Variants in UIMC1 observed in about 807,000 individuals in gnomAD.
UIMC1 encodes BRCA1-A complex subunit RAP80.
UIMC1 carries 42 observed loss-of-function variants against 84.9 expected under a neutral mutation model. The observed-to-expected ratio is 0.49, with a 90% CI of 0.39 to 0.64. The LOEUF is 0.64. Among genes scored for constraint, UIMC1 ranks in the 30% least tolerant of loss-of-function variants. The pLI, the probability that UIMC1 is intolerant of heterozygous loss-of-function variation, is 0.00. For missense variants in UIMC1, 825 were observed against 847.6 expected, an observed-to-expected ratio of 0.97 and a Z score of 0.33; for synonymous variants, 281 against 293.0, an observed-to-expected ratio of 0.96 and a Z score of 0.42.
chr5:176,932,857 GCT>G (rs1763281035), intron 10 of UIMC1, among the ~76,000 whole-genome samples: 1 of 118,948 alleles, frequency 8.4e-6, no homozygotes, highest in Non-Finnish European at 1.6e-5. Context: ...CAATAGCAAT[GCT>G]TTTTTTTTTT....
chr5:176,942,321 C>T (rs1373912732), intron 10 of UIMC1, among the ~76,000 whole-genome samples: 3 of 152,090 alleles, frequency 2.0e-5, no homozygotes, highest in Non-Finnish European at 2.9e-5. Flanking sequence ...GAATGAAAAA[C>T]GTGGAACTTA....
chr5:176,965,892 A>G (rs1235097509), intron 6 of UIMC1, among the ~76,000 whole-genome samples: 1 of 152,224 alleles, frequency 6.6e-6, no homozygotes, highest in Admixed American at 6.5e-5. Context: ...GAATTACAAT[A>G]AATCATTAAG....
chr5:176,972,605 A>G (rs894528813), intron 3 of UIMC1, among the ~76,000 whole-genome samples: 5 of 150,872 alleles, frequency 3.3e-5, no homozygotes, highest in African/African-American at 1.2e-4. Context: ...GCGTGGTGGC[A>G]GGCGCCTGTA....
intron 2 of UIMC1, among the ~76,000 whole-genome samples, chr5:176,977,222 TC>T (rs1177358101): frequency 1.1e-5 from 1 of 93,300 alleles, no homozygotes; most frequent in Non-Finnish European, 1.9e-5. Flanking sequence ...AGATTCTGTC[TC>T]AAAAAAAAAA....
At chr5:176,906,074 T>C (rs1759326649) in intron 13 of UIMC1, 27 bp from the exon 14 acceptor site, 1 of 1,609,400 alleles carries the variant, frequency 6.2e-7, no homozygotes, top group African/African-American at 1.3e-5. Context: ...AAAATAATAA[T>C]GTTGGTAGTA....
chr5:176,906,924 A>G (rs1351219140), intron 13 of UIMC1, among the ~76,000 whole-genome samples, 190 bp downstream of exon 13: 2 of 152,262 alleles, frequency 1.3e-5, no homozygotes, highest in African/African-American at 2.4e-5. Flanking sequence ...AATGAAACAC[A>G]GGATGAAAAA....
chr5:176,951,358 C>G (rs561633169), intron 9 of UIMC1, 116 bp downstream of exon 9: 39 of 717,186 alleles, frequency 5.4e-5, no homozygotes, highest in Admixed American at 2.8e-4. Context: ...ATAAGGGCCC[C>G]CAAAACTAAA....
chr5:177,014,062 T>C (rs375632481), intron 1 of UIMC1, among the ~76,000 whole-genome samples: 28 of 122,570 alleles, frequency 2.3e-4, no homozygotes, highest in Middle Eastern at 5.2e-3. Flanking sequence ...CTTTTCTTTT[T>C]TTTTTTTTTT....
At chr5:176,952,788 C>CA (rs1766051280) in intron 8 of UIMC1, among the ~76,000 whole-genome samples, 1 of 152,092 alleles carries the variant, frequency 6.6e-6, no homozygotes, top group South Asian at 2.1e-4. Flanking sequence ...CAGAGTGAGA[C>CA]ACTGTCTCAC....
At chr5:176,908,457 C>CTGT in intron 12 of UIMC1, 66 bp downstream of exon 12, 1 of 1,530,012 alleles carries the variant, frequency 6.5e-7, no homozygotes, top group Middle Eastern at 2.4e-4. Flanking sequence ...CAGAACAGAA[C>CTGT]TGTGGCCTCT....
chr5:176,938,638 T>C (rs1394768163), intron 10 of UIMC1, among the ~76,000 whole-genome samples: 2 of 152,120 alleles, frequency 1.3e-5, no homozygotes, highest in Non-Finnish European at 2.9e-5. Flanking sequence ...TTAGTGGCCA[T>C]TTCCCTTGCT....
At chr5:176,921,769 A>AT (rs1274932302) in intron 10 of UIMC1, among the ~76,000 whole-genome samples, 1 of 152,068 alleles carries the variant, frequency 6.6e-6, no homozygotes, top group Non-Finnish European at 1.5e-5. Context: ...AGTCTCCTCA[A>AT]TTCCATTTTT....
rs554840281 is a variant in UIMC1, at chr5:176,918,330, G to A, written c.1598-6941C>T. Among the ~76,000 whole-genome samples, 16 of 152,278 alleles carry A rather than the reference G, an allele frequency of 1.1e-4. No individual in the cohort carries two copies. In the East Asian group the frequency reaches 2.9e-3, roughly 28 times the overall value. ...ATCCATCCAGTACTCCAGCCTCTCAGTTCCCTGACCTCTTGTTTATTAATT... is the reference window on the plus strand; with the variant it reads ...ATCCATCCAGTACTCCAGCCTCTCAATTCCCTGACCTCTTGTTTATTAATT... On this transcript the variant is annotated intron_variant, in intron 10 of 14. Coordinates refer to ENST00000511320, the MANE Select transcript of UIMC1 (RefSeq NM_001199298.2).
intron 10 of UIMC1, among the ~76,000 whole-genome samples, chr5:176,924,895 C>T (rs13356674): frequency 0.14 from 21,483 of 151,494 alleles, 3,267 homozygotes; most frequent in African/African-American, 0.38. Flanking sequence ...GAAAATTAGC[C>T]GGGCACACAT....
rs1270385129 is a variant in UIMC1, at chr5:177,006,718, A to G, written c.-77T>C. The stretch of plus-strand genomic sequence containing the variant: ...GGGTCGCGAGCCGCCACACGTTGGG[A>G]GCGCGGGGGGAGGGGGAGGGGCGCG... On this transcript the variant is annotated 5_prime_UTR_variant, in exon 1 of 15. Transcript: ENST00000511320. 6.7e-6 allele frequency: 1 copy of G among 150,166 alleles called. No homozygotes were observed. The highest frequency in any genetic ancestry group is 2.0e-4 in the East Asian group (1 of 5,092). 9.3% of individuals were successfully genotyped at this position (150,166 alleles called of 1,614,324 possible).
chr5:176,945,645 T>C (rs1256498945), intron 9 of UIMC1, among the ~76,000 whole-genome samples: 1 of 152,180 alleles, frequency 6.6e-6, no homozygotes, highest in African/African-American at 2.4e-5. Flanking sequence ...GTGGGGAGCC[T>C]ATAAACAGAC....
intron 1 of UIMC1, among the ~76,000 whole-genome samples, chr5:176,987,119 C>G (rs1197197709): frequency 6.6e-6 from 1 of 151,734 alleles, no homozygotes; most frequent in Non-Finnish European, 1.5e-5. Flanking sequence ...ACTTGGGAGG[C>G]TGAGGCAGGA....
At chr5:176,999,363 T>C (rs1434919940) in intron 1 of UIMC1, among the ~76,000 whole-genome samples, 1 of 152,180 alleles carries the variant, frequency 6.6e-6, no homozygotes, top group Non-Finnish European at 1.5e-5. Flanking sequence ...AGTCAGATCA[T>C]ACAAAATAAG....
chr5:176,915,599 G>A (rs1267575290), intron 10 of UIMC1, among the ~76,000 whole-genome samples: 2 of 151,602 alleles, frequency 1.3e-5, no homozygotes, highest in Non-Finnish European at 2.9e-5. Context: ...GGGATTACAG[G>A]CGCCTGCCAC....
Sources: allele counts gnomAD v4.1 joint callset (sites outside exome capture counted in the v4.1 genomes callset), GRCh38; gene constraint gnomAD v4.1.1; transcripts MANE v1.5; gene names NCBI Gene and HGNC (gene_info 2026-07-23, HGNC 2026-07-21).